The following B3GALT1 variants were observed in gnomAD, a reference collection of about 807,000 sequenced individuals.
B3GALT1 encodes beta-1,3-galactosyltransferase 1, also known as UDP-Gal:betaGlcNAc beta 1,3-galactosyltransferase, polypeptide 1.
Under a neutral mutation model 23.2 loss-of-function variants are expected in B3GALT1, and 10 were observed. The ratio of observed to expected loss-of-function variants is 0.43; its 90% confidence interval spans 0.27 to 0.73. The LOEUF is 0.73. B3GALT1 is among the 30% of genes least tolerant of loss of function. The pLI is 0.21. For synonymous variants in B3GALT1, 156 were observed against 141.5 expected, an observed-to-expected ratio of 1.10 and a Z score of -0.73; for missense variants, 299 against 405.4, an observed-to-expected ratio of 0.74 and a Z score of 2.25.
chr2:167,810,636 G>A lies in B3GALT1; in HGVS notation c.-351-8036G>A, dbSNP rs12612503. ...CAGCCATCTGTGTATTACAAAGTAC[G>A]TCATTGTTTACTACCTAAGTTTAAC... On this transcript the variant is annotated intron_variant, in intron 3 of 4. Transcript: ENST00000392690. 6.6e-5 allele frequency among the ~76,000 whole-genome samples: 10 copies of A among 150,896 alleles called. 1 individual carries two copies. The highest frequency in any genetic ancestry group is 3.9e-4 in the East Asian group (2 of 5,172).
chr2:167,516,210 A>G (rs1256879308), intron 2 of B3GALT1, among the ~76,000 whole-genome samples: 2 of 152,038 alleles, frequency 1.3e-5, no homozygotes, highest in Non-Finnish European at 2.9e-5. Context: ...GATATTTGTC[A>G]TCTGCCTTTT....
At chr2:167,697,143 T>A (rs1013802765) in intron 3 of B3GALT1, among the ~76,000 whole-genome samples, 2 of 152,170 alleles carry the variant, frequency 1.3e-5, no homozygotes, top group African/African-American at 4.8e-5. Flanking sequence ...TTAAATAAAA[T>A]TGAACATATT....
chr2:167,713,026 G>A (rs1574226431), intron 3 of B3GALT1, among the ~76,000 whole-genome samples: 1 of 152,148 alleles, frequency 6.6e-6, no homozygotes, highest in African/African-American at 2.4e-5. Flanking sequence ...TGGAGAAAGA[G>A]GCCCATGGAT....
chr2:167,504,575 C>T (rs569288569), intron 2 of B3GALT1, among the ~76,000 whole-genome samples: 44 of 152,138 alleles, frequency 2.9e-4, no homozygotes, highest in Non-Finnish European at 4.9e-4. Context: ...GGAGTAGCAT[C>T]CTTCAATCTT....
chr2:167,684,049 C>T (rs535842572), intron 3 of B3GALT1, among the ~76,000 whole-genome samples: 4 of 152,270 alleles, frequency 2.6e-5, no homozygotes, highest in African/African-American at 7.2e-5. Flanking sequence ...CTAGGTTAAT[C>T]GACACCCTCT....
At chr2:167,659,658 A>G (rs1425553848) in intron 3 of B3GALT1, among the ~76,000 whole-genome samples, 1 of 152,040 alleles carries the variant, frequency 6.6e-6, no homozygotes, top group Non-Finnish European at 1.5e-5. Context: ...AGCCAGAGAA[A>G]CATTTGTAAA....
chr2:167,814,652 G>A (rs1405773904), intron 3 of B3GALT1: 1 of 152,302 alleles, frequency 6.6e-6, no homozygotes, highest in African/African-American at 2.4e-5. Context: ...CACCTATTCG[G>A]GAGGCTGAGA....
chr2:167,836,402 C>T (rs1189506088), intron 4 of B3GALT1, among the ~76,000 whole-genome samples: 31 of 147,044 alleles, frequency 2.1e-4, no homozygotes, highest in Non-Finnish European at 3.3e-4. Context: ...GGAGCCGATG[C>T]GATCAACTGG....
chr2:167,790,584 T>C (rs1688421332), intron 3 of B3GALT1, among the ~76,000 whole-genome samples: 1 of 152,240 alleles, frequency 6.6e-6, no homozygotes, highest in African/African-American at 2.4e-5. Flanking sequence ...ATGGAGGAAG[T>C]AAAGCATTTC....
intron 1 of B3GALT1, among the ~76,000 whole-genome samples, chr2:167,408,797 A>AC (rs1698349299): frequency 3.4e-5 from 2 of 58,322 alleles, no homozygotes; most frequent in Non-Finnish European, 7.4e-5. Context: ...GAAGATGTAT[A>AC]CAAAAAAAAA....
chr2:167,779,474 C>G (rs1267474722), intron 3 of B3GALT1, among the ~76,000 whole-genome samples: 4 of 152,200 alleles, frequency 2.6e-5, no homozygotes, highest in East Asian at 1.9e-4. Context: ...CTCTGACTTG[C>G]ATAAAATATA....
At chr2:167,367,528 T>G (rs1320685257) in intron 1 of B3GALT1, among the ~76,000 whole-genome samples, 1 of 152,182 alleles carries the variant, frequency 6.6e-6, no homozygotes, top group Non-Finnish European at 1.5e-5. Flanking sequence ...TTTTGAGGAT[T>G]AAGTGAATAA....
At chr2:167,452,570 G>T (rs2105320848) in intron 1 of B3GALT1, among the ~76,000 whole-genome samples, 1 of 152,202 alleles carries the variant, frequency 6.6e-6, no homozygotes, top group South Asian at 2.1e-4. Context: ...GGGCCTGCAG[G>T]AGCAATCCAT....
chr2:167,407,773 A>C (rs1023748930), intron 1 of B3GALT1, among the ~76,000 whole-genome samples: 1 of 152,124 alleles, frequency 6.6e-6, no homozygotes, highest in Non-Finnish European at 1.5e-5. Flanking sequence ...TCACTTACCA[A>C]GATTAAAACA....
At chr2:167,383,275 A>G (rs1697869274) in intron 1 of B3GALT1, among the ~76,000 whole-genome samples, 1 of 151,920 alleles carries the variant, frequency 6.6e-6, no homozygotes, top group African/African-American at 2.4e-5. Flanking sequence ...TAGTGATTCA[A>G]TTCTGAGTAA....
chr2:167,714,223 A>T, intron 3 of B3GALT1: 1 of 1,503,926 alleles, frequency 6.6e-7, no homozygotes, highest in Non-Finnish European at 9.3e-7. Flanking sequence ...GAGCTGAATC[A>T]GGATATGATT....
intron 3 of B3GALT1, among the ~76,000 whole-genome samples, chr2:167,767,877 C>T (rs185237095): frequency 6.6e-6 from 1 of 152,098 alleles, no homozygotes; most frequent in Non-Finnish European, 1.5e-5. Flanking sequence ...GTCCCATGAT[C>T]TGCTGTTTGC....
At position 167,462,307 on chromosome 2, in the gene B3GALT1, A is replaced by C. The variant is rs139553496; in HGVS notation, c.-510-27870A>C. Among the ~76,000 whole-genome samples, 113 of 152,300 alleles carry C rather than the reference A, an allele frequency of 7.4e-4. 1 individual carries two copies. The East Asian group carries it at 0.018, about 24-fold the overall frequency. ...TATAACAGTTGGCTCTCAAGAGCTG[A>C]TATAAACCAGCTTAAGCACGCAATT... On this transcript the variant is annotated intron_variant, in intron 1 of 4. Transcript: ENST00000392690.
chr2:167,564,669 C>T (rs1012505852), intron 2 of B3GALT1, among the ~76,000 whole-genome samples: 35 of 152,152 alleles, frequency 2.3e-4, no homozygotes, highest in African/African-American at 6.8e-4. Flanking sequence ...GAGACCAGCC[C>T]GGCCAACACA....
Sources: allele counts gnomAD v4.1 joint callset (sites outside exome capture counted in the v4.1 genomes callset), GRCh38; gene constraint gnomAD v4.1.1; transcripts MANE v1.5; gene names NCBI Gene and HGNC (gene_info 2026-07-23, HGNC 2026-07-21).